Variants in PDZRN4 observed in about 807,000 individuals in gnomAD.
PDZRN4 encodes PDZ domain containing ring finger 4.
In PDZRN4, 70 loss-of-function variants were observed where a neutral mutation model predicts 99.0. The ratio of observed to expected loss-of-function variants is 0.71; its 90% confidence interval spans 0.58 to 0.86. The LOEUF is 0.86. PDZRN4 is among the 40% of genes least tolerant of loss of function. PDZRN4 has a pLI of 0.00. For missense variants in PDZRN4, 1,474 were observed against 1,331.2 expected (o/e 1.11, Z -1.67); for synonymous variants, 551 against 501.6 (o/e 1.10, Z -1.32).
At chr12:41,280,603 C>T (rs756904506) in intron 3 of PDZRN4, among the ~76,000 whole-genome samples, 1 of 152,138 alleles carries the variant, frequency 6.6e-6, no homozygotes, top group Non-Finnish European at 1.5e-5. Flanking sequence ...CCAGGAAGCT[C>T]GAACTGGGTG....
At chr12:41,464,044 T>C (rs1592070014) in intron 3 of PDZRN4, among the ~76,000 whole-genome samples, 1 of 152,162 alleles carries the variant, frequency 6.6e-6, no homozygotes, top group South Asian at 2.1e-4. Context: ...ATTGCGAAGG[T>C]TGGATTTGCA....
At chr12:41,300,045 T>C (rs1287261435) in intron 3 of PDZRN4, among the ~76,000 whole-genome samples, 1 of 151,960 alleles carries the variant, frequency 6.6e-6, no homozygotes, top group African/African-American at 2.4e-5. Flanking sequence ...ACAATATTTA[T>C]GAATGTATAG....
intron 3 of PDZRN4, among the ~76,000 whole-genome samples, chr12:41,433,953 C>T (rs1046938155): frequency 1.3e-5 from 2 of 152,100 alleles, no homozygotes; most frequent in African/African-American, 4.8e-5. Context: ...AAAACTACTG[C>T]CCCTATCAGG....
intron 3 of PDZRN4, among the ~76,000 whole-genome samples, chr12:41,257,356 T>G (rs1435558746): frequency 2.0e-5 from 3 of 152,198 alleles, no homozygotes; most frequent in Admixed American, 2.0e-4. Flanking sequence ...GCCTCTTTCA[T>G]AAGGGCACTA....
chr12:41,341,765 C>A (rs1951819268), intron 3 of PDZRN4, among the ~76,000 whole-genome samples: 1 of 151,800 alleles, frequency 6.6e-6, no homozygotes, highest in South Asian at 2.1e-4. Flanking sequence ...GTTAAAACAG[C>A]CATACTACCC....
At chr12:41,500,609 A>G (rs982504304) in intron 3 of PDZRN4, among the ~76,000 whole-genome samples, 3 of 152,052 alleles carry the variant, frequency 2.0e-5, no homozygotes, top group Non-Finnish European at 2.9e-5. Context: ...AGTTAATTTT[A>G]GTCAGGTTTC....
chr12:41,227,286 C>A (rs1174521441), intron 3 of PDZRN4, among the ~76,000 whole-genome samples: 1 of 152,060 alleles, frequency 6.6e-6, no homozygotes, highest in Non-Finnish European at 1.5e-5. Flanking sequence ...GAACTAAAAT[C>A]CCCAGTGATT....
chr12:41,483,069 A>C (rs1937702647), intron 3 of PDZRN4, among the ~76,000 whole-genome samples: 1 of 151,938 alleles, frequency 6.6e-6, no homozygotes, highest in Admixed American at 6.6e-5. Context: ...CATGAAGTGG[A>C]ATTTTTCAGG....
rs146162967 is a variant in PDZRN4 at position 41,220,072 on chromosome 12, G to A, written c.843+25884G>A. On this transcript the variant is annotated intron_variant, in intron 3 of 9. Transcript: ENST00000402685. ...TAGAAGCTAAGCTCCAAGAGGGTAT[G>A]AAGATTTTTATGTTGGTGGCTCTTC... is the stretch of plus-strand genomic sequence containing the variant. 1.8e-3 allele frequency among the ~76,000 whole-genome samples: 280 copies of A among 152,198 alleles called. 1 individual carries two copies. The highest frequency in any genetic ancestry group is 6.4e-3 in the African/African-American group (266 of 41,526).
chr12:41,506,981 T>C (rs895037383), intron 4 of PDZRN4, among the ~76,000 whole-genome samples: 1 of 152,168 alleles, frequency 6.6e-6, no homozygotes, highest in East Asian at 1.9e-4. Context: ...TAGTTCATCT[T>C]CATATTACTA....
intron 3 of PDZRN4, among the ~76,000 whole-genome samples, chr12:41,331,835 T>C (rs969023501): frequency 3.9e-5 from 6 of 152,074 alleles, no homozygotes; most frequent in African/African-American, 1.4e-4. Flanking sequence ...ATGATTCAGT[T>C]ACCTCCCATC....
chr12:41,344,950 T>C (rs181892787), intron 3 of PDZRN4, among the ~76,000 whole-genome samples: 119 of 152,094 alleles, frequency 7.8e-4, no homozygotes, highest in Non-Finnish European at 1.5e-3. Flanking sequence ...AAGCAACTCA[T>C]AATGAATTAA....
intron 6 of PDZRN4, among the ~76,000 whole-genome samples, chr12:41,554,415 T>A (rs1479847622): frequency 6.6e-6 from 1 of 152,182 alleles, no homozygotes; most frequent in Non-Finnish European, 1.5e-5. Context: ...TTGGAAGGAA[T>A]GTTTTCCTTT....
chr12:41,561,692 A>G (rs1939273269), intron 7 of PDZRN4, among the ~76,000 whole-genome samples: 1 of 151,618 alleles, frequency 6.6e-6, no homozygotes, highest in African/African-American at 2.4e-5. Context: ...AAAGATGAAG[A>G]TAAGCTGTGT....
chr12:41,268,205 G>T (rs1951291620), intron 3 of PDZRN4, among the ~76,000 whole-genome samples: 1 of 152,072 alleles, frequency 6.6e-6, no homozygotes, highest in Admixed American at 6.6e-5. Context: ...AACACCCCTA[G>T]GTCCAAGTAG....
At chr12:41,252,943 T>A (rs1350737785) in intron 3 of PDZRN4, among the ~76,000 whole-genome samples, 1 of 152,194 alleles carries the variant, frequency 6.6e-6, no homozygotes, top group Non-Finnish European at 1.5e-5. Context: ...TTTTATTGTA[T>A]GTAAATTATA....
chr12:41,543,476 A>G (rs1047452977), intron 5 of PDZRN4, among the ~76,000 whole-genome samples: 18 of 152,194 alleles, frequency 1.2e-4, no homozygotes, highest in African/African-American at 4.3e-4. Context: ...TACCTACAAA[A>G]AGCAATTGGG....
chr12:41,219,306 T>C (rs967286535), intron 3 of PDZRN4, among the ~76,000 whole-genome samples: 4 of 152,018 alleles, frequency 2.6e-5, no homozygotes, highest in Admixed American at 1.3e-4. Context: ...ATTTTGATGA[T>C]TGAGTAGGAG....
At chr12:41,464,777 T>C (rs1952908641) in intron 3 of PDZRN4, among the ~76,000 whole-genome samples, 1 of 152,002 alleles carries the variant, frequency 6.6e-6, no homozygotes, top group Admixed American at 6.6e-5. Flanking sequence ...TGGGTTAAAT[T>C]TCATTGTTAA....
Sources: allele counts gnomAD v4.1 joint callset (sites outside exome capture counted in the v4.1 genomes callset), GRCh38; gene constraint gnomAD v4.1.1; transcripts MANE v1.5; gene names NCBI Gene and HGNC (gene_info 2026-07-23, HGNC 2026-07-21).